The following ACOXL variants were observed in gnomAD, a reference collection of about 807,000 sequenced individuals.
ACOXL encodes acyl-CoA oxidase like, also known as acyl-coenzyme A oxidase-like protein.
In ACOXL, 70 loss-of-function variants were observed where a neutral mutation model predicts 71.9. The observed-to-expected ratio is 0.97, with a 90% CI of 0.80 to 1.19. The LOEUF (loss-of-function observed/expected upper bound fraction) is 1.19, where lower values mean the gene tolerates loss of function less well. ACOXL is among the 50% of genes most tolerant of loss of function. ACOXL has a pLI of 0.00. For missense variants in ACOXL, 703 were observed against 736.3 expected (o/e 0.95, Z 0.52); for synonymous variants, 253 against 281.6 (o/e 0.90, Z 1.02).
At chr2:110,858,715 C>T (rs1693575758) in intron 10 of ACOXL, among the ~76,000 whole-genome samples, 1 of 152,172 alleles carries the variant, frequency 6.6e-6, no homozygotes, top group Non-Finnish European at 1.5e-5. Context: ...TTCCCTATGG[C>T]GTTAGCTGAT....
intron 14 of ACOXL, among the ~76,000 whole-genome samples, chr2:111,004,895 G>A (rs1432007487): frequency 6.6e-6 from 1 of 152,176 alleles, no homozygotes; most frequent in Non-Finnish European, 1.5e-5. Context: ...CAATACAGTG[G>A]CCCGAATGGC....
At chr2:110,849,591 C>T (rs560902345) in intron 10 of ACOXL, among the ~76,000 whole-genome samples, 9 of 152,276 alleles carry the variant, frequency 5.9e-5, no homozygotes, top group African/African-American at 1.9e-4. Context: ...AACCTTGTCT[C>T]TACTAAAAGT....
At position 111,032,343 on chromosome 2, in the gene ACOXL, G is replaced by A. The variant is rs147419744; in HGVS notation, c.1369+629G>A. Among the ~76,000 whole-genome samples the A allele has an allele frequency of 1.0e-3, 158 of 152,200 alleles. 1 individual carries two copies. Among genetic ancestry groups the A allele is most frequent in the African/African-American group, 3.6e-3 (149 of 41,530 alleles). On this transcript the variant is annotated intron_variant, in intron 15 of 17. Coordinates refer to ENST00000439055, the MANE Select transcript of ACOXL (RefSeq NM_001142807.4). ...GCTAACATGCTACAGGGCACAGACC[G>A]CTCCCCTGCAACCAAGAATTATCTA...
chr2:110,960,666 GTT>G (rs34129486), intron 12 of ACOXL, among the ~76,000 whole-genome samples: 60 of 141,574 alleles, frequency 4.2e-4, no homozygotes, highest in Middle Eastern at 3.6e-3. Context: ...TTTCTTTTGG[GTT>G]TTTTTTTTTT....
chr2:110,999,177 C>G (rs1344281123), intron 14 of ACOXL, among the ~76,000 whole-genome samples: 1 of 152,146 alleles, frequency 6.6e-6, no homozygotes, highest in Non-Finnish European at 1.5e-5. Context: ...GAGCTTCTCT[C>G]CTTGGTTTGT....
intron 3 of ACOXL, among the ~76,000 whole-genome samples, chr2:110,787,282 C>T (rs1341358530): frequency 1.3e-5 from 2 of 152,062 alleles, no homozygotes; most frequent in African/African-American, 4.8e-5. Context: ...CGCTTGTAAT[C>T]CCAGCACTTT....
At chr2:111,074,568 AG>A (rs1250018143) in intron 16 of ACOXL, among the ~76,000 whole-genome samples, 1 of 151,258 alleles carries the variant, frequency 6.6e-6, no homozygotes, top group East Asian at 1.9e-4. Flanking sequence ...TTTCTTTTTT[AG>A]GTTGTTAATA....
At chr2:110,744,369 G>T (rs1021451693) in intron 1 of ACOXL, among the ~76,000 whole-genome samples, 1 of 152,212 alleles carries the variant, frequency 6.6e-6, no homozygotes, top group Admixed American at 6.5e-5. Flanking sequence ...GGCAAAAAAT[G>T]TAGAGAGGAC....
intron 12 of ACOXL, among the ~76,000 whole-genome samples, chr2:110,938,374 CTG>C (rs1229497624): frequency 6.6e-6 from 1 of 152,260 alleles, no homozygotes; most frequent in African/African-American, 2.4e-5. Flanking sequence ...AGCAGGCACT[CTG>C]TGGTGCCTTC....
chr2:111,052,687 C>A (rs1375819825), intron 16 of ACOXL, among the ~76,000 whole-genome samples: 1 of 152,150 alleles, frequency 6.6e-6, no homozygotes, highest in Non-Finnish European at 1.5e-5. Context: ...TTCACTGATT[C>A]TTAGTCCTAT....
chr2:110,832,541 T>A (rs1689967411), intron 9 of ACOXL, among the ~76,000 whole-genome samples: 1 of 122,112 alleles, frequency 8.2e-6, no homozygotes. Flanking sequence ...CGAGACTCCA[T>A]CTCAAAAAAA....
chr2:110,970,015 C>T (rs2062111592), intron 12 of ACOXL, among the ~76,000 whole-genome samples: 1 of 151,926 alleles, frequency 6.6e-6, no homozygotes, highest in Non-Finnish European at 1.5e-5. Context: ...AATCTCCTGG[C>T]CTTGAAGCCT....
At chr2:111,093,250 A>G (rs2068632569) in intron 17 of ACOXL, among the ~76,000 whole-genome samples, 1 of 150,204 alleles carries the variant, frequency 6.7e-6, no homozygotes, top group African/African-American at 2.4e-5. Flanking sequence ...AAAAAGTGTT[A>G]GTGATTTCTT....
chr2:110,969,954 C>G (rs998055624), intron 12 of ACOXL, among the ~76,000 whole-genome samples: 4 of 152,090 alleles, frequency 2.6e-5, no homozygotes, highest in African/African-American at 9.7e-5. Flanking sequence ...TAGTTCTATA[C>G]TCTTAAAGAA....
chr2:110,773,588 G>A (rs766609434), intron 2 of ACOXL, among the ~76,000 whole-genome samples: 6 of 152,140 alleles, frequency 3.9e-5, no homozygotes, highest in South Asian at 4.1e-4. Flanking sequence ...CCTGACCGAC[G>A]GACAGACTCT....
At chr2:110,871,214 A>G (rs2149040387) in intron 10 of ACOXL, among the ~76,000 whole-genome samples, 1 of 152,198 alleles carries the variant, frequency 6.6e-6, no homozygotes, top group African/African-American at 2.4e-5. Flanking sequence ...GCCTGCCTGG[A>G]CAAGGCAACC....
At chr2:110,751,298 CAAAAA>C (rs765632647) in intron 1 of ACOXL, among the ~76,000 whole-genome samples, 1 of 44,012 alleles carries the variant, frequency 2.3e-5, no homozygotes. Flanking sequence ...GACTCCGTCT[CAAAAA>C]AAAAAAAAAA....
chr2:110,912,211 T>C (rs758901493), intron 11 of ACOXL, among the ~76,000 whole-genome samples: 8 of 152,098 alleles, frequency 5.3e-5, no homozygotes, highest in Non-Finnish European at 1.2e-4. Context: ...TCTGTAGATA[T>C]AAAGCAGTCT....
chr2:110,828,172 A>G (rs1321706762), intron 9 of ACOXL, among the ~76,000 whole-genome samples: 2 of 152,050 alleles, frequency 1.3e-5, no homozygotes, highest in East Asian at 3.9e-4. Flanking sequence ...GGGTCTTACT[A>G]TGTTGCCCAC....
Sources: gnomAD v4.1 joint callset for allele counts (sites outside exome capture counted in the v4.1 genomes callset) on GRCh38, gnomAD v4.1.1 for gene constraint, MANE v1.5 for transcripts, NCBI Gene and HGNC (gene_info 2026-07-23, HGNC 2026-07-21) for gene names.